Variants in EIF4E2 observed in about 807,000 individuals in gnomAD.
EIF4E2 encodes the protein eukaryotic translation initiation factor 4E type 2.
EIF4E2 carries 13 observed loss-of-function variants against 34.2 expected under a neutral mutation model. That is an observed-to-expected ratio of 0.38 (90% CI 0.25 to 0.60). The LOEUF is 0.60. Among genes scored for constraint, EIF4E2 ranks in the 20% least tolerant of loss-of-function variants. The pLI is 0.62. For missense variants in EIF4E2, 222 were observed against 315.1 expected, an observed-to-expected ratio of 0.70 and a Z score of 2.24; for synonymous variants, 100 against 106.6, an observed-to-expected ratio of 0.94 and a Z score of 0.38.
At chr2:232,556,386 A>T in intron 1 of EIF4E2, 30 bp from the exon 2 acceptor site, 2 of 1,573,746 alleles carry the variant, frequency 1.3e-6, no homozygotes, top group Non-Finnish European at 1.7e-6. Context: ...ACTTCGTCAC[A>T]GAATTGTATT....
At chr2:232,575,065 A>C (rs1693177834) in intron 6 of EIF4E2, among the ~76,000 whole-genome samples, 1 of 152,238 alleles carries the variant, frequency 6.6e-6, no homozygotes, top group Non-Finnish European at 1.5e-5. Flanking sequence ...CAATGTCTGC[A>C]TGAGCTAGAG....
chr2:232,571,329 G>A (rs145792702), downstream of EIF4E2, among the ~76,000 whole-genome samples: 2 of 152,340 alleles, frequency 1.3e-5, no homozygotes, highest in East Asian at 3.9e-4. Flanking sequence ...TCTTGCTCAG[G>A]TCATAGCTCC....
downstream of EIF4E2, among the ~76,000 whole-genome samples, chr2:232,573,503 G>A (rs935596286): frequency 2.0e-5 from 3 of 152,156 alleles, no homozygotes; most frequent in African/African-American, 7.2e-5. Context: ...TTTCTCCTGT[G>A]ACTAGTCCAG....
At position 232,568,955 on chromosome 2, in the gene EIF4E2, A is replaced by G. The variant is rs1693023874; in HGVS notation, c.676A>G (p.Arg226Gly). The G allele has an allele frequency of 1.9e-6, 3 of 1,614,106 alleles. No individual in the cohort carries two copies. The highest frequency in any genetic ancestry group is 2.5e-6 in the Non-Finnish European group (3 of 1,180,056). Reference sequence around the variant, plus strand: ...TTGCACTTCCACTAGAATGCCAGGCAGGCTGGGCCCCCAAAGGCTCCTTTT... The same window carrying G: ...TTGCACTTCCACTAGAATGCCAGGCGGGCTGGGCCCCCAAAGGCTCCTTTT... ...THTDSIKMPG[R>G]LGPQRLLFQN... is the part of the protein sequence containing the mutation. The change falls in exon 7 of 7, where the codon AGG becomes GGG. Residue 226 changes from arginine to glycine, a missense_variant. Physicochemically the swap from Arg to Gly is moderately radical, Grantham distance 125. Around this residue, in one of 3 missense-constraint regions of EIF4E2, gnomAD observed 30 missense variants for 26.3 expected, o/e 1.14. Coordinates refer to ENST00000258416, the MANE Select transcript of EIF4E2 (RefSeq NM_004846.4).
At chr2:232,582,113 G>T (rs905668813) in exon 7 of EIF4E2, 1 of 152,628 alleles carries the variant, frequency 6.6e-6, no homozygotes, top group Non-Finnish European at 1.5e-5. Flanking sequence ...ACTCCAGAAG[G>T]ACTGAAGTCA....
chr2:232,574,304 G>T, intron 6 of EIF4E2: 1 of 1,550,582 alleles, frequency 6.4e-7, no homozygotes, highest in Non-Finnish European at 8.7e-7. Context: ...AGCAGCGGCC[G>T]CTGATCGGAC....
intron 2 of EIF4E2, chr2:232,557,604 G>C: frequency 3.0e-6 from 1 of 337,286 alleles, no homozygotes; most frequent in East Asian, 6.0e-5. Flanking sequence ...GCTTGGACTG[G>C]GCATATGCTG....
chr2:232,566,680 G>A lies in EIF4E2; in HGVS notation c.376-149G>A, dbSNP rs1692944082. 4.5e-6 allele frequency: 4 copies of A among 882,112 alleles called. No individual in the cohort carries two copies. Among genetic ancestry groups the A allele is most frequent in the African/African-American group, 1.7e-5 (1 of 58,488 alleles). 54.6% of individuals were successfully genotyped at this position (882,112 alleles called of 1,614,324 possible). On this transcript the variant is annotated intron_variant, in intron 4 of 6. Transcript: ENST00000258416. This position sits in a 1 kb window ranked among gnomAD's most constrained non-coding sequence, Gnocchi z 4.9. ...TTTTTCCCCATTTCTTCTCTCCCTAGTCCTACCATCAGTTTTTCTATAGAG... is the reference window on the plus strand; with the variant it reads ...TTTTTCCCCATTTCTTCTCTCCCTAATCCTACCATCAGTTTTTCTATAGAG...
chr2:232,569,277 T>C, downstream of EIF4E2: 1 of 1,303,240 alleles, frequency 7.7e-7, no homozygotes, highest in Non-Finnish European at 9.8e-7. Flanking sequence ...ACTGTCACCA[T>C]ATTAAGGGAT....
In EIF4E2 at chr2:232,567,121, C is replaced by A; in HGVS notation, c.572C>A (p.Ala191Glu). The A allele has an allele frequency of 6.2e-7, 1 of 1,614,198 alleles. No individual in the cohort carries two copies. Among genetic ancestry groups the A allele is most frequent in the South Asian group, 1.1e-5 (1 of 91,084 alleles). Residue 191 changes from alanine to glutamate, a missense_variant, in exon 6 of 7, where the codon GCA (alanine) becomes GAA (glutamate). By Grantham distance (107) the Ala-to-Glu change is moderately radical. Coordinates refer to ENST00000258416, the MANE Select transcript of EIF4E2 (RefSeq NM_004846.4). ...TGGAATAAGACTGCCAGTGACCAAG[C>A]AACCACAGCCCGAATCCGGGACACA... is the stretch of plus-strand genomic sequence containing the variant. ...SIWNKTASDQ[A>E]TTARIRDTLR...
At chr2:232,575,564 C>G (rs1693191661) in intron 6 of EIF4E2, among the ~76,000 whole-genome samples, 1 of 152,082 alleles carries the variant, frequency 6.6e-6, no homozygotes, top group Admixed American at 6.5e-5. Context: ...AGTTCAAGGC[C>G]AGCCTGGGCA....
chr2:232,550,879 C>G (rs1692283605), intron 1 of EIF4E2, 135 bp downstream of exon 1: 4 of 922,420 alleles, frequency 4.3e-6, no homozygotes, highest in Non-Finnish European at 6.4e-6. Context: ...CGGACCTGGC[C>G]TGGACTGGCG....
In EIF4E2 at chr2:232,569,133, AT is replaced by A. The variant is rs1693031356; in HGVS notation, c.*120del. Reference sequence around the variant, plus strand: ...CCTGGACAAGAGGAATTGGAAGAGCATTTTATGTTTTAAGAACAGGCTGACA... The same window carrying A: ...CCTGGACAAGAGGAATTGGAAGAGCATTTATGTTTTAAGAACAGGCTGACA... On this transcript the variant is annotated 3_prime_UTR_variant, in exon 7 of 7. Coordinates refer to ENST00000258416, the MANE Select transcript of EIF4E2 (RefSeq NM_004846.4). 1 of 1,507,398 alleles carries A rather than the reference AT, an allele frequency of 6.6e-7. No individual in the cohort carries two copies. The highest frequency in any genetic ancestry group is 1.4e-5 in the African/African-American group (1 of 71,568). 93.4% of individuals were successfully genotyped at this position (1,507,398 alleles called of 1,614,324 possible). A position where few individuals can be genotyped will look rare whatever the true frequency, so the allele number is the denominator to read the frequency against.
chr2:232,581,093 C>A lies in EIF4E2; in HGVS notation c.*150C>A. Reference sequence around the variant, plus strand: ...TGCACTCATTCCTGGAGGACGGATTCCGCTAGACACCCTCCAGCATCGCTG... The same window carrying A: ...TGCACTCATTCCTGGAGGACGGATTACGCTAGACACCCTCCAGCATCGCTG... On this transcript the variant is annotated 3_prime_UTR_variant, in exon 7 of 7. Transcript: ENST00000409098. The surrounding 1 kb of genome is among the most constrained non-coding windows in gnomAD (Gnocchi z 5.2). 1 of 783,540 alleles carries A rather than the reference C, an allele frequency of 1.3e-6. No homozygotes were observed. Among genetic ancestry groups the A allele is most frequent in the South Asian group, 1.5e-5 (1 of 68,278 alleles). The allele number at this position is 783,540 out of a possible 1,614,324, so 48.5% of individuals were successfully genotyped here.
chr2:232,573,054 CA>C (rs1233465626), downstream of EIF4E2, among the ~76,000 whole-genome samples: 1 of 152,198 alleles, frequency 6.6e-6, no homozygotes, highest in Non-Finnish European at 1.5e-5. Context: ...CAGGGATTCA[CA>C]AAGCACATCA....
intron 6 of EIF4E2, chr2:232,574,303 C>T (rs867580327): frequency 3.9e-6 from 6 of 1,550,408 alleles, no homozygotes; most frequent in East Asian, 2.4e-5. Flanking sequence ...CAGCAGCGGC[C>T]GCTGATCGGA....
intron 6 of EIF4E2, among the ~76,000 whole-genome samples, chr2:232,575,943 C>T (rs568381561): frequency 1.4e-4 from 21 of 152,060 alleles, no homozygotes; most frequent in African/African-American, 2.9e-4. Context: ...CAGTGGCTCA[C>T]GCCTGTAATC....
intron 6 of EIF4E2, among the ~76,000 whole-genome samples, chr2:232,575,725 C>A (rs905741966): frequency 6.6e-6 from 1 of 152,110 alleles, no homozygotes; most frequent in African/African-American, 2.4e-5. Flanking sequence ...GTAGATAAAT[C>A]ATTGATTTTT....
chr2:232,557,311 C>T (rs1559313824), intron 2 of EIF4E2, among the ~76,000 whole-genome samples: 3 of 136,134 alleles, frequency 2.2e-5, no homozygotes. Context: ...GAGTAACCCT[C>T]CAAGGGTTAC....
Sources: allele counts gnomAD v4.1 joint callset (sites outside exome capture counted in the v4.1 genomes callset), GRCh38; gene constraint gnomAD v4.1.1; regional missense constraint gnomAD v4.1.1; non-coding constraint Gnocchi (gnomAD v3.1); transcripts MANE v1.5; gene names NCBI Gene and HGNC (gene_info 2026-07-23, HGNC 2026-07-21).